CHD1L: variants seen among roughly 807,000 people sequenced by gnomAD.
CHD1L encodes the protein chromodomain helicase DNA binding protein 1 like.
A neutral mutation model predicts 115.9 loss-of-function variants in CHD1L; 118 were observed. The observed-to-expected ratio is 1.02, with a 90% CI of 0.88 to 1.19. CHD1L has a LOEUF of 1.19. Ranked by LOEUF, CHD1L falls within the 50% of genes most tolerant of loss-of-function variation. The pLI is 0.00. For synonymous variants in CHD1L, 411 were observed against 387.1 expected (o/e 1.06, Z -0.72); for missense variants, 1,179 against 1,065.3 (o/e 1.11, Z -1.49).
chr1:147,245,517 A>G (rs1366720115), intron 1 of CHD1L, among the ~76,000 whole-genome samples: 1 of 152,132 alleles, frequency 6.6e-6, no homozygotes, highest in African/African-American at 2.4e-5. Context: ...TACCCAGAAG[A>G]TCAGCCTAGA....
At chr1:147,234,670 T>C in the CHD1L span, among the ~76,000 whole-genome samples, 1 of 152,250 alleles carries the variant, frequency 6.6e-6, no homozygotes, top group East Asian at 1.9e-4. Flanking sequence ...CAATTGTCTA[T>C]ATTTATGGAG....
chr1:147,191,512 C>T, the CHD1L span, among the ~76,000 whole-genome samples: 3 of 150,138 alleles, frequency 2.0e-5, no homozygotes, highest in Non-Finnish European at 4.5e-5. Flanking sequence ...ATATCCTTTG[C>T]CCACTTTTTG....
chr1:147,178,249 G>A, the CHD1L span: 1 of 1,613,674 alleles, frequency 6.2e-7, no homozygotes, highest in Non-Finnish European at 8.5e-7. Context: ...GGGCTCTGCG[G>A]GCCTCATGCT....
the CHD1L span, among the ~76,000 whole-genome samples, chr1:147,180,751 A>G: frequency 6.6e-6 from 1 of 152,218 alleles, no homozygotes; most frequent in African/African-American, 2.4e-5. Context: ...ATAAAGGCCT[A>G]AGGATCAGTG....
At chr1:147,174,774 C>T in the CHD1L span, 2 of 151,936 alleles carry the variant, frequency 1.3e-5, no homozygotes, top group African/African-American at 4.8e-5. Flanking sequence ...TAATTGTTCC[C>T]TTTAGATTTA....
intron 18 of CHD1L, among the ~76,000 whole-genome samples, chr1:147,286,704 C>T (rs1683274122): frequency 2.0e-5 from 3 of 152,186 alleles, no homozygotes; most frequent in South Asian, 4.1e-4. Context: ...CCCAACCTTT[C>T]AACTTCAACT....
At chr1:147,295,386 TG>T (rs782558183) in intron 22 of CHD1L, 44 bp from the exon 23 acceptor site, 1 of 1,317,702 alleles carries the variant, frequency 7.6e-7, no homozygotes, top group South Asian at 1.2e-5. Context: ...TTGGTAAAGT[TG>T]GTTTAAAGTG....
At chr1:147,242,451 T>G (rs1665007574), upstream of CHD1L, among the ~76,000 whole-genome samples, 1 of 152,216 alleles carries the variant, frequency 6.6e-6, no homozygotes, top group African/African-American at 2.4e-5. Flanking sequence ...GTCCTGTGCG[T>G]GATCAGACGC....
rs1452486110 is a variant in CHD1L at position 147,288,322 on chromosome 1, C to CATAAAAAAA, written c.2320+590_2320+591insTAAAAAAAA. ...CCTGAGTGAGAGTGAGACCCTGTTTCAATAAAAAAAAAAAAAAAAAAAAAG... is the reference window on the plus strand; with the variant it reads ...CCTGAGTGAGAGTGAGACCCTGTTTCATAAAAAAAAATAAAAAAAAAAAAAAAAAAAAAG... On this transcript the variant is annotated intron_variant, in intron 19 of 22. Transcript: ENST00000369258. Among the ~76,000 whole-genome samples the CATAAAAAAA allele has an allele frequency of 9.2e-4, 81 of 87,850 alleles. 2 individuals are homozygous for CATAAAAAAA. Among genetic ancestry groups the CATAAAAAAA allele is most frequent in the Middle Eastern group, 7.1e-3 (1 of 140 alleles). The allele number at this position is 87,850 out of a possible 152,430, so 57.6% of individuals were successfully genotyped here. A position where few individuals can be genotyped will look rare whatever the true frequency, so the allele number is the denominator to read the frequency against.
intron 11 of CHD1L, among the ~76,000 whole-genome samples, chr1:147,271,432 C>G (rs1676176768): frequency 6.6e-6 from 1 of 152,042 alleles, no homozygotes; most frequent in African/African-American, 2.4e-5. Context: ...GTAAGAGCAA[C>G]TTTTTCTGCA....
the CHD1L span, chr1:147,204,603 A>G: frequency 7.5e-6 from 12 of 1,593,194 alleles, no homozygotes; most frequent in African/African-American, 1.2e-4. Flanking sequence ...ATTCCAGGAG[A>G]GCTCCGGCAA....
chr1:147,287,834 G>C, intron 19 of CHD1L, 101 bp downstream of exon 19: 2 of 949,558 alleles, frequency 2.1e-6, no homozygotes, highest in African/African-American at 1.6e-5. Context: ...TAAGGAATTA[G>C]AATAACCAGT....
In CHD1L at chr1:147,275,347, T is replaced by C. The variant is rs782801422; in HGVS notation, c.1271-7T>C. On this transcript the variant is annotated splice_polypyrimidine_tract_variant and splice_region_variant and intron_variant, in intron 12 of 22. Transcript: ENST00000369258. The stretch of plus-strand genomic sequence containing the variant: ...GCTGATTACATTCCTTTTTGCATTG[T>C]TTTCAGGTGGAGTTGGCATGAACTT... The C allele has an allele frequency of 6.2e-7, 1 of 1,607,608 alleles. No homozygotes were observed. Among genetic ancestry groups the C allele is most frequent in the Non-Finnish European group, 8.5e-7 (1 of 1,174,046 alleles).
At chr1:147,253,877 T>G (rs150792614) in intron 2 of CHD1L, among the ~76,000 whole-genome samples, 130 of 152,370 alleles carry the variant, frequency 8.5e-4, no homozygotes, top group African/African-American at 3.1e-3. Context: ...CTTCGTTATA[T>G]TCTTCACAGT....
chr1:147,285,519 A>C (rs782740653), intron 17 of CHD1L, 32 bp downstream of exon 17: 3 of 1,593,744 alleles, frequency 1.9e-6, no homozygotes, highest in Non-Finnish European at 2.6e-6. Flanking sequence ...TGGCGGCCAC[A>C]GTTGAAGGAG....
rs1423054249 is a variant in CHD1L at position 147,293,698 on chromosome 1, T to C, written c.2482T>C (p.Phe828Leu). The C allele has an allele frequency of 1.2e-6, 2 of 1,613,792 alleles. No homozygotes were observed. Among genetic ancestry groups the C allele is most frequent in the Non-Finnish European group, 1.7e-6 (2 of 1,179,804 alleles). ...AALEEGLKKI[F>L]LAAKKKKASV... is the part of the protein sequence containing the mutation. ...CCTAGAAGAGGGCCTGAAGAAGATATTTTTAGCAGCAAAAAAGAAGAAAGG... is the reference window on the plus strand; with the variant it reads ...CCTAGAAGAGGGCCTGAAGAAGATACTTTTAGCAGCAAAAAAGAAGAAAGG... Residue 828 changes from phenylalanine (F) to leucine (L), a missense_variant, in exon 21 of 23, where the codon TTT becomes CTT. Coordinates refer to ENST00000369258, the MANE Select transcript of CHD1L (RefSeq NM_004284.6).
Position 147,293,716 on chromosome 1 carries a change from A to G in CHD1L, c.2500A>G (p.Lys834Glu). 6.2e-7 allele frequency: 1 copy of G among 1,612,340 alleles called. No homozygotes were observed. The highest frequency in any genetic ancestry group is 2.2e-5 in the East Asian group (1 of 44,872). The change falls in exon 21 of 23, where the codon AAG becomes GAG. Residue 834 changes from lysine (K) to glutamate (E), a missense_variant. Physicochemically the swap from Lys to Glu is moderately conservative, Grantham distance 56. Transcript: ENST00000369258. ...LKKIFLAAKK[K>E]KASVHLPRIG... Reference sequence around the variant, plus strand: ...GAAGATATTTTTAGCAGCAAAAAAGAAGAAAGGTAAGCTCTTCCACCTGTG... The same window carrying G: ...GAAGATATTTTTAGCAGCAAAAAAGGAGAAAGGTAAGCTCTTCCACCTGTG...
chr1:147,206,618 A>C, the CHD1L span, among the ~76,000 whole-genome samples: 1 of 152,208 alleles, frequency 6.6e-6, no homozygotes, highest in African/African-American at 2.4e-5. Flanking sequence ...TTGTAGAGAC[A>C]TGGATGAAGC....
At chr1:147,217,405 A>C in the CHD1L span, among the ~76,000 whole-genome samples, 1 of 152,062 alleles carries the variant, frequency 6.6e-6, no homozygotes, top group Non-Finnish European at 1.5e-5. Context: ...AATTGTTTTG[A>C]CTATGGAAAA....
Sources: gnomAD v4.1 joint callset for allele counts (sites outside exome capture counted in the v4.1 genomes callset) on GRCh38, gnomAD v4.1.1 for gene constraint, MANE v1.5 for transcripts, NCBI Gene and HGNC (gene_info 2026-07-23, HGNC 2026-07-21) for gene names.